Variants in ARL17A observed in about 807,000 individuals in gnomAD.
ARL17A encodes the protein ADP-ribosylation factor-like 17-like.
downstream of ARL17A, among the ~76,000 whole-genome samples, chr17:46,525,602 T>TATAATA (rs61094611): frequency 0.011 from 1,123 of 101,874 alleles, 54 homozygotes; most frequent in African/African-American, 0.028. Context: ...ATAATAATAA[T>TATAATA]ATAATAATAA....
At chr17:46,530,500 C>G (rs2053540665) in intron 4 of ARL17A, among the ~76,000 whole-genome samples, 1 of 107,778 alleles carries the variant, frequency 9.3e-6, no homozygotes, top group African/African-American at 3.6e-5. Flanking sequence ...TGGCTCCCAG[C>G]CTCGCCACTG....
chr17:46,525,602 T>TATAATAATA (rs61094611), downstream of ARL17A, among the ~76,000 whole-genome samples: 266 of 101,998 alleles, frequency 2.6e-3, no homozygotes, highest in Middle Eastern at 0.017. Flanking sequence ...ATAATAATAA[T>TATAATAATA]ATAATAATAA....
At chr17:46,534,997 C>T (rs1223744967) in intron 4 of ARL17A, among the ~76,000 whole-genome samples, 7 of 150,238 alleles carry the variant, frequency 4.7e-5, no homozygotes, top group African/African-American at 1.8e-4. Context: ...TGCTCCTCAC[C>T]TCCCAGACAG....
intron 4 of ARL17A, among the ~76,000 whole-genome samples, chr17:46,535,106 C>A (rs1240592332): frequency 6.7e-6 from 1 of 148,330 alleles, no homozygotes; most frequent in African/African-American, 2.6e-5. Flanking sequence ...ATTGCCAGTG[C>A]TGGTATCCAA....
chr17:46,502,502 A>G, the ARL17A span, among the ~76,000 whole-genome samples: 27 of 150,838 alleles, frequency 1.8e-4, 2 homozygotes, highest in East Asian at 5.1e-3. Flanking sequence ...GGGTTTCACC[A>G]TATTGGTCAG....
intron 3 of ARL17A, among the ~76,000 whole-genome samples, chr17:46,520,849 C>A: frequency 1.6e-5 from 1 of 62,818 alleles, no homozygotes; most frequent in African/African-American, 5.2e-5. Flanking sequence ...ATGGAGACCA[C>A]CTGCATTCAT....
At chr17:46,559,011 C>T (rs1280508363) in intron 3 of ARL17A, 1 of 85,120 alleles carries the variant, frequency 1.2e-5, no homozygotes, top group Non-Finnish European at 2.1e-5. Flanking sequence ...GCACACTCGG[C>T]GGTACTGCAG....
chr17:46,535,153 C>G (rs1294474617), intron 4 of ARL17A, among the ~76,000 whole-genome samples: 67 of 149,000 alleles, frequency 4.5e-4, no homozygotes, highest in Non-Finnish European at 9.1e-4. Flanking sequence ...CTCAAGCCTC[C>G]CAAGGTACTG....
chr17:46,558,925 G>A (rs1257492463), intron 3 of ARL17A: 8 of 94,658 alleles, frequency 8.5e-5, no homozygotes, highest in Middle Eastern at 6.3e-3. Flanking sequence ...TGATCCTCCC[G>A]CCTTGGTCTC....
At chr17:46,502,458 C>T in the ARL17A span, among the ~76,000 whole-genome samples, 2 of 150,892 alleles carry the variant, frequency 1.3e-5, no homozygotes, top group Admixed American at 1.3e-4. Context: ...CCCACCACCA[C>T]GCCCTGCTAG....
intron 3 of ARL17A, among the ~76,000 whole-genome samples, chr17:46,545,050 G>C (rs1428936863): frequency 4.3e-5 from 6 of 138,118 alleles, no homozygotes; most frequent in African/African-American, 1.7e-4. Context: ...TACTGCATAG[G>C]TGATGTATCC....
At chr17:46,534,226 T>C (rs2054207480) in intron 4 of ARL17A, among the ~76,000 whole-genome samples, 1 of 147,740 alleles carries the variant, frequency 6.8e-6, no homozygotes, top group Non-Finnish European at 1.5e-5. Context: ...TATTGATCAT[T>C]CTTGGGTGTT....
rs1169026731 is a variant in ARL17A at position 46,554,369 on chromosome 17, G to A, written c.*2987C>T. The A allele has an allele frequency of 1.6e-5, 1 of 63,636 alleles. No individual in the cohort carries two copies. The highest frequency in any genetic ancestry group is 1.3e-4 in the African/African-American group (1 of 7,762). 3.9% of individuals were successfully genotyped at this position (63,636 alleles called of 1,614,324 possible). On this transcript the variant is annotated 3_prime_UTR_variant, in exon 4 of 4. Coordinates refer to ENST00000336125, the MANE Select transcript of ARL17A (RefSeq NM_001113738.2). ...TTGAGCCCAGGAGGCGCAGGTTGCAGGGAGCCAAGATAGCACCATTGCACT... is the reference window on the plus strand; with the variant it reads ...TTGAGCCCAGGAGGCGCAGGTTGCAAGGAGCCAAGATAGCACCATTGCACT...
At chr17:46,516,482 C>T (rs1269032512), downstream of ARL17A, among the ~76,000 whole-genome samples, 3 of 143,642 alleles carry the variant, frequency 2.1e-5, no homozygotes, top group Non-Finnish European at 3.0e-5. Context: ...AAAGAGTAGC[C>T]ATAATTTGTT....
chr17:46,555,933 CAG>C lies in ARL17A; in HGVS notation c.*1421_*1422del, dbSNP rs2057249100. ...GACATCTGAATACATCCTGAGGAGA[CAG>C]TGTGGGACAGCATGGTGGCAGTGGA... is the stretch of plus-strand genomic sequence containing the variant. On this transcript the variant is annotated 3_prime_UTR_variant, in exon 4 of 4. Coordinates refer to ENST00000336125, the MANE Select transcript of ARL17A (RefSeq NM_001113738.2). 1.5e-5 allele frequency: 2 copies of C among 130,958 alleles called. No homozygotes were observed. Among genetic ancestry groups the C allele is most frequent in the South Asian group, 2.8e-4 (2 of 7,122 alleles). The allele number at this position is 130,958 out of a possible 1,614,324, so 8.1% of individuals were successfully genotyped here.
chr17:46,543,409 A>G (rs1382011481), intron 3 of ARL17A, among the ~76,000 whole-genome samples: 2 of 151,012 alleles, frequency 1.3e-5, no homozygotes, highest in Admixed American at 1.3e-4. Flanking sequence ...CTAAAGAATC[A>G]TGTACTAAGT....
intron 4 of ARL17A, among the ~76,000 whole-genome samples, chr17:46,533,481 TGTAA>T (rs1261790315): frequency 2.1e-5 from 3 of 145,568 alleles, no homozygotes; most frequent in South Asian, 2.1e-4. Flanking sequence ...TATTGCATTA[TGTAA>T]GTATCTTTTT....
rs1804578149 is a variant in ARL17A at position 46,552,996 on chromosome 17, AG to A, written c.*4359del. ...CTGGAGCCCAGGAGGTTGAGGCTACAGTGAGCTGTGATCGTGACACCGCACT... is the reference window on the plus strand; with the variant it reads ...CTGGAGCCCAGGAGGTTGAGGCTACATGAGCTGTGATCGTGACACCGCACT... On this transcript the variant is annotated 3_prime_UTR_variant, in exon 4 of 4. Coordinates refer to ENST00000336125, the MANE Select transcript of ARL17A (RefSeq NM_001113738.2). Among the ~76,000 whole-genome samples, 1 of 142,984 alleles carries A rather than the reference AG, an allele frequency of 7.0e-6. No homozygotes were observed. Among genetic ancestry groups the A allele is most frequent in the African/African-American group, 2.8e-5 (1 of 35,862 alleles). 93.8% of individuals were successfully genotyped at this position (142,984 alleles called of 152,430 possible).
the ARL17A span, among the ~76,000 whole-genome samples, chr17:46,502,252 T>C: frequency 1.3e-5 from 2 of 151,104 alleles, no homozygotes; most frequent in African/African-American, 2.5e-5. Flanking sequence ...ATTTACTTAC[T>C]GAACTCAGAG....
Sources: gnomAD v4.1 joint callset for allele counts (sites outside exome capture counted in the v4.1 genomes callset) on GRCh38, gnomAD v4.1.1 for gene constraint, MANE v1.5 for transcripts, NCBI Gene and HGNC (gene_info 2026-07-23, HGNC 2026-07-21) for gene names.